SBF2: variants seen among roughly 807,000 people sequenced by gnomAD.
SBF2 encodes the protein SET binding factor 2, also known as myotubularin-related protein 13.
Under a neutral mutation model 225.2 loss-of-function variants are expected in SBF2, and 112 were observed. The ratio of observed to expected loss-of-function variants is 0.50; its 90% CI spans 0.43 to 0.58. The LOEUF (loss-of-function observed/expected upper bound fraction) is 0.58, where lower values mean the gene tolerates loss of function less well. Among genes scored for constraint, SBF2 ranks in the 20% least tolerant of loss-of-function variants. The pLI, the probability that SBF2 is intolerant of heterozygous loss-of-function variation, is 0.00. For missense variants in SBF2, 1,996 were observed against 2,206.2 expected (o/e 0.90, Z 1.91); for synonymous variants, 763 against 773.3 (o/e 0.99, Z 0.22).
intron 1 of SBF2, among the ~76,000 whole-genome samples, chr11:10,292,490 GCCAGGA>G (rs1052371036): frequency 6.6e-6 from 1 of 151,954 alleles, no homozygotes; most frequent in Non-Finnish European, 1.5e-5. Context: ...GACCAGCCTG[GCCAGGA>G]TGGTGAAATC....
intron 3 of SBF2, among the ~76,000 whole-genome samples, chr11:10,031,604 T>C (rs1455765763): frequency 2.0e-5 from 3 of 152,242 alleles, no homozygotes; most frequent in African/African-American, 7.2e-5. Flanking sequence ...ATGTTGGTTT[T>C]TCTACTTGTC....
At chr11:9,972,671 C>T (rs567630499) in intron 13 of SBF2, among the ~76,000 whole-genome samples, 3 of 152,108 alleles carry the variant, frequency 2.0e-5, no homozygotes, top group East Asian at 1.9e-4. Flanking sequence ...TTAGTAGAGA[C>T]GGGGTTTCAC....
chr11:9,906,731 G>C (rs1862150888), intron 16 of SBF2, among the ~76,000 whole-genome samples: 1 of 152,146 alleles, frequency 6.6e-6, no homozygotes, highest in African/African-American at 2.4e-5. Context: ...CCTGTGCTTT[G>C]GCCAAATAAT....
chr11:10,160,211 G>A (rs1206399429), intron 2 of SBF2, among the ~76,000 whole-genome samples: 1 of 152,064 alleles, frequency 6.6e-6, no homozygotes, highest in Admixed American at 6.6e-5. Flanking sequence ...AACAAGTTCA[G>A]TAAAGTCGTG....
At chr11:9,908,044 C>G (rs1862248299) in intron 16 of SBF2, among the ~76,000 whole-genome samples, 1 of 152,032 alleles carries the variant, frequency 6.6e-6, no homozygotes, top group Admixed American at 6.6e-5. Context: ...AGATACTGAA[C>G]TGAATATAAA....
intron 2 of SBF2, among the ~76,000 whole-genome samples, chr11:10,087,017 T>C (rs964805798): frequency 6.6e-6 from 1 of 152,242 alleles, no homozygotes; most frequent in African/African-American, 2.4e-5. Context: ...AGATGCTATG[T>C]AAATGTAAGA....
At chr11:9,793,439 G>A (rs1010208934) in intron 33 of SBF2, among the ~76,000 whole-genome samples, 1 of 152,046 alleles carries the variant, frequency 6.6e-6, no homozygotes, top group Admixed American at 6.6e-5. Context: ...ACCCAGGCTG[G>A]AGTGCACTGG....
rs1007189090 is a variant in SBF2, at chr11:10,272,206, C to G, written c.55+21809G>C. 287 of 1,133,524 alleles carry G rather than the reference C, an allele frequency of 2.5e-4. 106 individuals are homozygous for G. Among genetic ancestry groups the G allele is most frequent in the Non-Finnish European group, 3.2e-4 (258 of 809,638 alleles). 70.2% of individuals were successfully genotyped at this position (1,133,524 alleles called of 1,614,324 possible). ...TGATCCTCTCCACGCCAGCCTCCAA[C>G]TTGAGCTGCTCTACCAAGAGCTGCA... On this transcript the variant is annotated intron_variant, in intron 1 of 39. Coordinates refer to ENST00000256190, the MANE Select transcript of SBF2 (RefSeq NM_030962.4).
chr11:10,227,226 T>C (rs551649488), intron 1 of SBF2, among the ~76,000 whole-genome samples: 2 of 152,328 alleles, frequency 1.3e-5, no homozygotes, highest in East Asian at 1.9e-4. Flanking sequence ...TATTAGACCT[T>C]TGTCAGATGA....
At chr11:9,930,116 C>T (rs912985258) in intron 16 of SBF2, among the ~76,000 whole-genome samples, 6 of 151,742 alleles carry the variant, frequency 4.0e-5, no homozygotes, top group African/African-American at 1.5e-4. Context: ...AACAAACCTG[C>T]ACATCCTGGA....
intron 9 of SBF2, among the ~76,000 whole-genome samples, chr11:9,996,158 T>C (rs1190010700): frequency 6.6e-6 from 1 of 152,214 alleles, no homozygotes; most frequent in Admixed American, 6.5e-5. Flanking sequence ...GCTTAAGAAG[T>C]ACAATCTTAA....
intron 6 of SBF2, among the ~76,000 whole-genome samples, chr11:10,027,815 G>T (rs1194570955): frequency 6.6e-6 from 1 of 152,206 alleles, no homozygotes; most frequent in Admixed American, 6.5e-5. Flanking sequence ...AAAGTCCTCA[G>T]ATAGATGGTG....
At chr11:9,848,190 A>G (rs768334066) in intron 22 of SBF2, among the ~76,000 whole-genome samples, 4 of 152,196 alleles carry the variant, frequency 2.6e-5, no homozygotes, top group Non-Finnish European at 5.9e-5. Context: ...GGATCTATCA[A>G]TCTGTAATCT....
At chr11:9,785,030 G>A in intron 37 of SBF2, 95 bp downstream of exon 37, 1 of 1,037,998 alleles carries the variant, frequency 9.6e-7, no homozygotes, top group South Asian at 1.3e-5. Context: ...ATAAAAGGCT[G>A]TACTGCACAG....
chr11:10,076,644 C>T (rs1951125762), intron 2 of SBF2, among the ~76,000 whole-genome samples: 2 of 152,218 alleles, frequency 1.3e-5, no homozygotes, highest in Non-Finnish European at 2.9e-5. Context: ...ATACCACTGG[C>T]AGCAGGCCAT....
chr11:9,939,324 C>T (rs1004151954), intron 16 of SBF2, among the ~76,000 whole-genome samples: 1 of 150,080 alleles, frequency 6.7e-6, no homozygotes, highest in Non-Finnish European at 1.5e-5. Flanking sequence ...TGTTGATCTC[C>T]GGACCTTGTG....
At chr11:10,211,035 A>AAAAAAAAAAAT (rs59984265) in intron 1 of SBF2, among the ~76,000 whole-genome samples, 1 of 150,180 alleles carries the variant, frequency 6.7e-6, no homozygotes, top group Non-Finnish European at 1.5e-5. Context: ...AAAAAAAAAA[A>AAAAAAAAAAAT]GAGCCTCTTG....
At chr11:9,960,065 T>C (rs537309277) in intron 16 of SBF2, 6 of 246,962 alleles carry the variant, frequency 2.4e-5, no homozygotes, top group South Asian at 2.1e-4. Flanking sequence ...GGCGCAATTA[T>C]AGTGTACTGC....
intron 16 of SBF2, among the ~76,000 whole-genome samples, chr11:9,915,395 C>T (rs916391266): frequency 6.8e-6 from 1 of 148,024 alleles, no homozygotes; most frequent in East Asian, 2.0e-4. Flanking sequence ...TGCAGTAAGC[C>T]GAGATCGCGC....
Sources: gnomAD v4.1 joint callset for allele counts (sites outside exome capture counted in the v4.1 genomes callset) on GRCh38, gnomAD v4.1.1 for gene constraint, MANE v1.5 for transcripts, NCBI Gene and HGNC (gene_info 2026-07-23, HGNC 2026-07-21) for gene names.